Variants in TMEM132D observed in about 807,000 individuals in gnomAD.
TMEM132D encodes mature OL transmembrane protein.
Under a neutral mutation model 62.3 loss-of-function variants are expected in TMEM132D, and 21 were observed. The observed-to-expected ratio is 0.34, with a 90% CI of 0.24 to 0.49. The LOEUF (loss-of-function observed/expected upper bound fraction) is 0.49. Among genes scored for constraint, TMEM132D ranks in the 20% least tolerant of loss-of-function variants. The pLI is 0.99. For synonymous variants in TMEM132D, 621 were observed against 575.6 expected (o/e 1.08, Z -1.13); for missense variants, 1,346 against 1,402.8 (o/e 0.96, Z 0.65).
chr12:129,383,389 T>C (rs1261361490), intron 3 of TMEM132D, among the ~76,000 whole-genome samples: 1 of 152,142 alleles, frequency 6.6e-6, no homozygotes. Context: ...AATACAGAAA[T>C]GCCCGTTTTA....
At chr12:129,078,445 G>T (rs1874348224) in intron 8 of TMEM132D, 89 bp downstream of exon 8, 2 of 1,354,572 alleles carry the variant, frequency 1.5e-6, no homozygotes, top group Admixed American at 3.8e-5. Context: ...CCACTCTATT[G>T]TGCGACCCGC....
chr12:129,656,158 A>G (rs138998141), intron 2 of TMEM132D, among the ~76,000 whole-genome samples: 5 of 152,294 alleles, frequency 3.3e-5, no homozygotes, highest in Non-Finnish European at 7.4e-5. Context: ...ATGCCCTATG[A>G]TAAGATTTAT....
At chr12:129,456,942 A>T (rs1873491087) in intron 3 of TMEM132D, among the ~76,000 whole-genome samples, 1 of 152,162 alleles carries the variant, frequency 6.6e-6, no homozygotes, top group Admixed American at 6.5e-5. Context: ...AGGAAACAAC[A>T]GGTGCTGGAG....
intron 1 of TMEM132D, among the ~76,000 whole-genome samples, chr12:129,886,285 T>A (rs4760016): frequency 0.99 from 150,430 of 152,312 alleles, 74,319 homozygotes; most frequent in South Asian, 1. Context: ...AGGCTTTTAC[T>A]TCTGAGGGGA....
At chr12:129,393,796 A>T (rs1256642264) in intron 3 of TMEM132D, among the ~76,000 whole-genome samples, 1 of 152,142 alleles carries the variant, frequency 6.6e-6, no homozygotes, top group Non-Finnish European at 1.5e-5. Flanking sequence ...ATCACTCAGA[A>T]ATGCCCATCA....
chr12:129,091,830 C>T (rs1200645666), intron 5 of TMEM132D, among the ~76,000 whole-genome samples: 2 of 152,224 alleles, frequency 1.3e-5, no homozygotes, highest in Admixed American at 6.5e-5. Flanking sequence ...AGATGTGTTC[C>T]TCCAACAGCT....
chr12:129,560,270 CTTT>C (rs3046687), intron 2 of TMEM132D, among the ~76,000 whole-genome samples: 13,986 of 145,960 alleles, frequency 0.096, 778 homozygotes, highest in Non-Finnish European at 0.12. Flanking sequence ...CTTTTGTTTT[CTTT>C]TTTTTTTTTT....
At chr12:129,092,303 C>CTT (rs3045890) in intron 5 of TMEM132D, among the ~76,000 whole-genome samples, 72,285 of 133,566 alleles carry the variant, frequency 0.54, 19,704 homozygotes, top group South Asian at 0.62. Flanking sequence ...TCTCTCTTTC[C>CTT]TTTTTTTTTT....
At chr12:129,113,024 T>A (rs1322067604) in intron 5 of TMEM132D, 1 of 152,192 alleles carries the variant, frequency 6.6e-6, no homozygotes, top group Non-Finnish European at 1.5e-5. Flanking sequence ...CATAGTTTTC[T>A]TTTTTCTTCT....
At chr12:129,212,459 A>T (rs1879082845) in intron 4 of TMEM132D, 1 of 140,136 alleles carries the variant, frequency 7.1e-6, no homozygotes, top group Admixed American at 7.3e-5. Flanking sequence ...AGAAGTCTTC[A>T]GATAAGAGGA....
At chr12:129,517,686 C>T (rs897452256) in intron 3 of TMEM132D, among the ~76,000 whole-genome samples, 3 of 152,178 alleles carry the variant, frequency 2.0e-5, no homozygotes, top group African/African-American at 7.2e-5. Context: ...ATGCAAAATT[C>T]AATCCACATC....
intron 1 of TMEM132D, among the ~76,000 whole-genome samples, chr12:129,834,217 G>T (rs138384078): frequency 0.59 from 90,210 of 151,886 alleles, 28,082 homozygotes; most frequent in Middle Eastern, 0.71. Flanking sequence ...CAGGCACTCG[G>T]ATGTGCTATT....
intron 5 of TMEM132D, among the ~76,000 whole-genome samples, chr12:129,107,829 G>A (rs1017834845): frequency 5.3e-5 from 8 of 150,912 alleles, no homozygotes; most frequent in Non-Finnish European, 1.0e-4. Context: ...TGGGACTACA[G>A]GTGTGCACCA....
At chr12:129,572,164 A>T (rs1877531299) in intron 2 of TMEM132D, among the ~76,000 whole-genome samples, 1 of 152,226 alleles carries the variant, frequency 6.6e-6, no homozygotes, top group Non-Finnish European at 1.5e-5. Flanking sequence ...GCTGACTCAG[A>T]CACAGGGCAC....
intron 3 of TMEM132D, among the ~76,000 whole-genome samples, chr12:129,488,382 T>G (rs1343633125): frequency 2.0e-5 from 3 of 152,132 alleles, no homozygotes; most frequent in Non-Finnish European, 4.4e-5. Flanking sequence ...CTTTCAATTA[T>G]CTTCTTATTG....
intron 4 of TMEM132D, among the ~76,000 whole-genome samples, chr12:129,247,233 G>T (rs766085948): frequency 3.9e-5 from 6 of 152,158 alleles, no homozygotes; most frequent in East Asian, 1.9e-4. Context: ...GGGGTTAGTC[G>T]TTGGGGTTGG....
chr12:129,605,336 C>T lies in TMEM132D; in HGVS notation c.969-74131G>A, dbSNP rs545301542. ...GACTCATGTCTAAAAGATATATATA[C>T]AAAACACAAAGGAAGAGGCAACTTA... On this transcript the variant is annotated intron_variant, in intron 2 of 8. Coordinates refer to ENST00000422113, the MANE Select transcript of TMEM132D (RefSeq NM_133448.3). Among the ~76,000 whole-genome samples the T allele has an allele frequency of 2.0e-5, 3 of 151,996 alleles. No individual in the cohort carries two copies. In the East Asian group the frequency reaches 5.8e-4, roughly 29 times the overall value.
At chr12:129,279,160 A>G (rs1881074777) in intron 4 of TMEM132D, among the ~76,000 whole-genome samples, 1 of 152,204 alleles carries the variant, frequency 6.6e-6, no homozygotes. Flanking sequence ...AACATTTCTG[A>G]CTCATGGGAC....
rs747666896 is a variant in TMEM132D, at chr12:129,074,855, T to C, written c.2320A>G (p.Ser774Gly). 6.2e-7 allele frequency: 1 copy of C among 1,614,100 alleles called. No homozygotes were observed. The highest frequency in any genetic ancestry group is 8.5e-7 in the Non-Finnish European group (1 of 1,180,026). The change falls in exon 9 of 9, where the codon AGT becomes GGT. Residue 774 changes from serine (S) to glycine (G), a missense_variant. Physicochemically the swap from Ser to Gly is moderately conservative, Grantham distance 56. Transcript: ENST00000422113. ...CGCTTGGATTTCTGGCAGGATTCAC[T>C]AATAACCATTTCCACCTTGACCAGG... ...GTLVKVEMVI[S>G]ESCQKSKRKS... is the part of the protein sequence containing the mutation.
Sources: gnomAD v4.1 joint callset for allele counts (sites outside exome capture counted in the v4.1 genomes callset) on GRCh38, gnomAD v4.1.1 for gene constraint, MANE v1.5 for transcripts, NCBI Gene and HGNC (gene_info 2026-07-23, HGNC 2026-07-21) for gene names.